Variants in WDR41 observed in about 807,000 individuals in gnomAD.
WDR41 encodes WD repeat domain 41.
A neutral mutation model predicts 69.3 loss-of-function variants in WDR41; 63 were observed. The ratio of observed to expected loss-of-function variants is 0.91; its 90% confidence interval spans 0.74 to 1.12. WDR41 has a LOEUF of 1.12. Among genes scored for constraint, WDR41 ranks in the 50% most tolerant of loss-of-function variants. WDR41 has a pLI of 0.00. For missense variants in WDR41, 543 were observed against 534.5 expected, an observed-to-expected ratio of 1.02 and a Z score of -0.16; for synonymous variants, 185 against 192.1, an observed-to-expected ratio of 0.96 and a Z score of 0.31.
At chr5:77,477,116 A>G (rs1800977371) in intron 2 of WDR41, among the ~76,000 whole-genome samples, 1 of 148,176 alleles carries the variant, frequency 6.7e-6, no homozygotes, top group Admixed American at 6.6e-5. Flanking sequence ...TTCAACAAGA[A>G]GAGCTAACTA....
intron 1 of WDR41, among the ~76,000 whole-genome samples, chr5:77,534,552 G>A (rs1742930557): frequency 6.6e-6 from 1 of 152,002 alleles, no homozygotes; most frequent in Admixed American, 6.6e-5. Flanking sequence ...TCCTGCTTCA[G>A]CCTCCCAAGT....
intron 1 of WDR41, among the ~76,000 whole-genome samples, chr5:77,549,047 A>G (rs964225098): frequency 1.3e-5 from 2 of 151,840 alleles, no homozygotes; most frequent in Non-Finnish European, 2.9e-5. Context: ...AAAACCAAAC[A>G]TCGTATGTTC....
chr5:77,602,965 G>A (rs1403516461), intron 1 of WDR41, among the ~76,000 whole-genome samples: 3 of 146,206 alleles, frequency 2.1e-5, no homozygotes, highest in Non-Finnish European at 4.5e-5. Context: ...TTGAGGTGGA[G>A]TCTCGCTCTG....
chr5:77,511,863 C>T (rs1222187461), intron 1 of WDR41, among the ~76,000 whole-genome samples: 1 of 151,406 alleles, frequency 6.6e-6, no homozygotes, highest in East Asian at 1.9e-4. Context: ...CGATTCTTAC[C>T]GAGAGCCAAC....
At chr5:77,545,445 C>T in intron 1 of WDR41, 1 of 202,242 alleles carries the variant, frequency 4.9e-6, no homozygotes, top group Non-Finnish European at 9.9e-6. Flanking sequence ...GCCCCAAGGG[C>T]CCTGGGATGG....
intron 1 of WDR41, among the ~76,000 whole-genome samples, chr5:77,524,986 C>T (rs948047063): frequency 6.6e-6 from 1 of 152,148 alleles, no homozygotes; most frequent in African/African-American, 2.4e-5. Flanking sequence ...AAAATCAGTC[C>T]TCTGGAGGAT....
chr5:77,469,773 C>T (rs1800484919), intron 2 of WDR41, among the ~76,000 whole-genome samples: 1 of 151,934 alleles, frequency 6.6e-6, no homozygotes, highest in Non-Finnish European at 1.5e-5. Flanking sequence ...AAATATGGGA[C>T]TATGTGAAAA....
chr5:77,525,458 G>A (rs1215203422), intron 1 of WDR41, among the ~76,000 whole-genome samples: 1 of 152,158 alleles, frequency 6.6e-6, no homozygotes, highest in Non-Finnish European at 1.5e-5. Context: ...CAGTGAGACA[G>A]AATAGGAGCT....
intron 2 of WDR41, among the ~76,000 whole-genome samples, chr5:77,478,240 A>C (rs900588480): frequency 6.6e-6 from 1 of 152,242 alleles, no homozygotes; most frequent in Non-Finnish European, 1.5e-5. Context: ...GAATTCTACC[A>C]GTGGTACAAG....
intron 7 of WDR41, 90 bp downstream of exon 7, chr5:77,451,201 G>T: frequency 8.2e-7 from 1 of 1,221,312 alleles, no homozygotes; most frequent in Non-Finnish European, 1.2e-6. Flanking sequence ...CACACGCAAT[G>T]TCCCTTAAAT....
intron 1 of WDR41, among the ~76,000 whole-genome samples, chr5:77,556,500 T>C (rs1172364502): frequency 6.6e-6 from 1 of 151,654 alleles, no homozygotes; most frequent in African/African-American, 2.4e-5. Flanking sequence ...CTCTGCCTCC[T>C]GGGTTCAAGC....
chr5:77,500,261 A>G (rs1174858297), intron 1 of WDR41, among the ~76,000 whole-genome samples: 1 of 152,176 alleles, frequency 6.6e-6, no homozygotes, highest in Non-Finnish European at 1.5e-5. Context: ...AATAGAAAGA[A>G]CCAAATGAAA....
intron 1 of WDR41, among the ~76,000 whole-genome samples, chr5:77,602,764 T>G (rs1305800232): frequency 6.6e-6 from 1 of 152,180 alleles, no homozygotes. Context: ...TTTGGATAAA[T>G]GCCCAGTAGT....
chr5:77,437,621 A>T (rs1207534985), intron 10 of WDR41, among the ~76,000 whole-genome samples, 197 bp from the exon 11 acceptor site: 1 of 152,218 alleles, frequency 6.6e-6, no homozygotes, highest in Non-Finnish European at 1.5e-5. Context: ...GTTACTCGTT[A>T]CATTAGCTCA....
intron 1 of WDR41, among the ~76,000 whole-genome samples, chr5:77,502,912 A>C (rs559659802): frequency 6.6e-6 from 1 of 152,318 alleles, no homozygotes; most frequent in Admixed American, 6.5e-5. Flanking sequence ...GCGCAAAAAC[A>C]TGCCAAATTG....
At chr5:77,566,344 T>C (rs1743627775) in intron 1 of WDR41, among the ~76,000 whole-genome samples, 1 of 152,176 alleles carries the variant, frequency 6.6e-6, no homozygotes, top group African/African-American at 2.4e-5. Context: ...CACTGTCCTG[T>C]ATGTCGTTTA....
At chr5:77,606,905 G>GAAAAAAAA (rs1195622632) in intron 1 of WDR41, among the ~76,000 whole-genome samples, 1 of 85,650 alleles carries the variant, frequency 1.2e-5, no homozygotes. Context: ...CAATGAAAAA[G>GAAAAAAAA]AAAAAAAAAA....
chr5:77,596,642 A>G (rs1167285467), intron 1 of WDR41, among the ~76,000 whole-genome samples: 3 of 152,058 alleles, frequency 2.0e-5, no homozygotes, highest in African/African-American at 7.2e-5. Flanking sequence ...GGTTACAGGT[A>G]CCACTACACC....
intron 7 of WDR41, among the ~76,000 whole-genome samples, chr5:77,450,588 C>G (rs1212490047): frequency 6.6e-6 from 1 of 152,172 alleles, no homozygotes; most frequent in East Asian, 1.9e-4. Flanking sequence ...TCCAGGAACT[C>G]TACGTACCAA....
Sources: allele counts gnomAD v4.1 joint callset (sites outside exome capture counted in the v4.1 genomes callset), GRCh38; gene constraint gnomAD v4.1.1; transcripts MANE v1.5; gene names NCBI Gene and HGNC (gene_info 2026-07-23, HGNC 2026-07-21).